FARP1: variants seen among roughly 807,000 people sequenced by gnomAD.
FARP1 encodes the protein FERM, ARHGEF and pleckstrin domain-containing protein 1.
A neutral mutation model predicts 128.8 loss-of-function variants in FARP1; 52 were observed. The observed-to-expected ratio is 0.40, with a 90% confidence interval of 0.32 to 0.51. The LOEUF (loss-of-function observed/expected upper bound fraction) is 0.51, where lower values mean the gene tolerates loss of function less well. Ranked by LOEUF, FARP1 falls within the 20% of genes least tolerant of loss-of-function variation. The pLI, the probability that FARP1 is intolerant of heterozygous loss-of-function variation, is 0.45. For synonymous variants in FARP1, 580 were observed against 551.8 expected (o/e 1.05, Z -0.72); for missense variants, 1,333 against 1,367.9 (o/e 0.97, Z 0.40).
At chr13:98,412,158 A>C in intron 16 of FARP1, 124 bp downstream of exon 16, 2 of 871,364 alleles carry the variant, frequency 2.3e-6, no homozygotes, top group Non-Finnish European at 3.6e-6. Flanking sequence ...GCTTACAACA[A>C]GTCAGCCTTC....
intron 2 of FARP1, among the ~76,000 whole-genome samples, chr13:98,297,974 T>A (rs1490174420): frequency 6.6e-6 from 1 of 152,184 alleles, no homozygotes; most frequent in Non-Finnish European, 1.5e-5. Flanking sequence ...ATCCTGTGCG[T>A]TTGCATTTTG....
rs185575791 is a variant in FARP1, at chr13:98,260,551, G to T, written c.171+47138G>T. Among the ~76,000 whole-genome samples, 23 of 152,266 alleles carry T rather than the reference G, an allele frequency of 1.5e-4. No homozygotes were observed. In the East Asian group the frequency reaches 4.2e-3, roughly 28 times the overall value. ...GGAACTCAATCCAGCTCAACTCTGG[G>T]CCTGTGAAAGCAAAACAATGGGGAC... On this transcript the variant is annotated intron_variant, in intron 2 of 26. Transcript: ENST00000319562.
At chr13:98,335,339 G>A (rs538935384) in intron 2 of FARP1, among the ~76,000 whole-genome samples, 25 of 152,336 alleles carry the variant, frequency 1.6e-4, no homozygotes, top group African/African-American at 4.6e-4. Context: ...AGGCAAGGAG[G>A]AGCAAGTCAT....
At chr13:98,312,601 A>G (rs565155798) in intron 2 of FARP1, among the ~76,000 whole-genome samples, 1 of 152,266 alleles carries the variant, frequency 6.6e-6, no homozygotes, top group African/African-American at 2.4e-5. Context: ...CCCACCGGAA[A>G]AGAGGTCAGT....
chr13:98,313,728 G>C (rs1198920521), intron 2 of FARP1, among the ~76,000 whole-genome samples: 1 of 152,084 alleles, frequency 6.6e-6, no homozygotes, highest in Non-Finnish European at 1.5e-5. Flanking sequence ...TGAGTCTATC[G>C]TCATTCCTTT....
At chr13:98,263,388 A>G (rs1883967286) in intron 2 of FARP1, among the ~76,000 whole-genome samples, 1 of 152,230 alleles carries the variant, frequency 6.6e-6, no homozygotes, top group Admixed American at 6.5e-5. Flanking sequence ...TGGAATGGGA[A>G]TAATTGTATT....
rs9584809 is a variant in FARP1, at chr13:98,343,288, G to A, written c.172-474G>A. On this transcript the variant is annotated intron_variant, in intron 2 of 26. Transcript: ENST00000319562. ...TTCTGTATGATGCTGTAATGCAGAC[G>A]GGTCACAACACATTTGTCATAGAAC... is the stretch of plus-strand genomic sequence containing the variant. Among the ~76,000 whole-genome samples the A allele has an allele frequency of 6.3e-3, 963 of 152,220 alleles. 15 individuals are homozygous for A. The highest frequency in any genetic ancestry group is 0.021 in the African/African-American group (862 of 41,526).
In FARP1 at chr13:98,156,384, G is replaced by C. The variant is rs533813620; in HGVS notation, c.-24+12892G>C. Among the ~76,000 whole-genome samples the C allele has an allele frequency of 3.2e-4, 48 of 152,178 alleles. 1 individual carries two copies. The highest frequency in any genetic ancestry group is 5.3e-4 in the Non-Finnish European group (36 of 68,018). On this transcript the variant is annotated intron_variant, in intron 1 of 26. Coordinates refer to ENST00000319562, the MANE Select transcript of FARP1 (RefSeq NM_005766.4). Reference sequence around the variant, plus strand: ...TATAATAACGTTCTTTTTAGCAAAAGTCTTAGTCACACAGCTTCTTTCACT... The same window carrying C: ...TATAATAACGTTCTTTTTAGCAAAACTCTTAGTCACACAGCTTCTTTCACT...
At chr13:98,303,003 C>T (rs1391085490) in intron 2 of FARP1, among the ~76,000 whole-genome samples, 1 of 152,008 alleles carries the variant, frequency 6.6e-6, no homozygotes, top group Non-Finnish European at 1.5e-5. Flanking sequence ...ATGAATTTTG[C>T]GGGCCCACTC....
intron 2 of FARP1, among the ~76,000 whole-genome samples, chr13:98,228,205 A>T (rs1363393626): frequency 6.6e-6 from 1 of 152,136 alleles, no homozygotes; most frequent in Non-Finnish European, 1.5e-5. Flanking sequence ...CTAAAAATAC[A>T]AAGAATTAGC....
At chr13:98,288,939 G>A (rs1195733816) in intron 2 of FARP1, among the ~76,000 whole-genome samples, 2 of 149,004 alleles carry the variant, frequency 1.3e-5, no homozygotes, top group Non-Finnish European at 3.0e-5. Context: ...TTCTATTTCT[G>A]GGTATTGTAG....
At chr13:98,335,538 A>G (rs1887703557) in intron 2 of FARP1, among the ~76,000 whole-genome samples, 1 of 152,192 alleles carries the variant, frequency 6.6e-6, no homozygotes, top group African/African-American at 2.4e-5. Context: ...ATGAGATTGA[A>G]TCTACAGTTC....
intron 1 of FARP1, among the ~76,000 whole-genome samples, chr13:98,211,783 T>G (rs1367894712): frequency 6.6e-6 from 1 of 152,256 alleles, no homozygotes; most frequent in Admixed American, 6.5e-5. Context: ...TCTCGTTCCC[T>G]TATGTCCTTC....
At chr13:98,200,952 T>C (rs1423188563) in intron 1 of FARP1, among the ~76,000 whole-genome samples, 3 of 152,198 alleles carry the variant, frequency 2.0e-5, no homozygotes, top group African/African-American at 7.2e-5. Flanking sequence ...GAGGTACATG[T>C]GATATTTTGA....
At chr13:98,414,764 G>A (rs1372508089) in intron 16 of FARP1, among the ~76,000 whole-genome samples, 2 of 152,062 alleles carry the variant, frequency 1.3e-5, no homozygotes, top group African/African-American at 4.8e-5. Flanking sequence ...TTCAAGGTTC[G>A]GCACTCCTGC....
intron 20 of FARP1, 26 bp downstream of exon 20, chr13:98,438,898 C>CA: frequency 8.1e-6 from 13 of 1,609,514 alleles, no homozygotes; most frequent in Non-Finnish European, 1.1e-5. Context: ...GGCTTGTCCT[C>CA]ACAAGGATTG....
At chr13:98,297,792 A>G (rs754313344) in intron 2 of FARP1, among the ~76,000 whole-genome samples, 1 of 152,186 alleles carries the variant, frequency 6.6e-6, no homozygotes, top group Non-Finnish European at 1.5e-5. Flanking sequence ...ACCCCCACCA[A>G]TAGGAATGGA....
intron 2 of FARP1, chr13:98,245,078 C>T (rs550286789): frequency 4.9e-6 from 5 of 1,019,642 alleles, no homozygotes; most frequent in Non-Finnish European, 5.9e-6. Context: ...AAACCATCTT[C>T]CTTTCCTGAG....
In FARP1 at chr13:98,368,133, T is replaced by G. The variant is rs1189075900; in HGVS notation, c.336T>G (p.Val112=). The G allele has an allele frequency of 6.2e-7, 1 of 1,613,798 alleles. No individual in the cohort carries two copies. The highest frequency in any genetic ancestry group is 1.3e-5 in the African/African-American group (1 of 74,932). Reference sequence around the variant, plus strand: ...CTTCTTTAGGGCCAAAGCACGTTGTTGTTAAGTTTGTGGTGAAATTCTTTC... The same window carrying G: ...CTTCTTTAGGGCCAAAGCACGTTGTGGTTAAGTTTGTGGTGAAATTCTTTC... ...VKQIRRPKHV[V]VKFVVKFFPP... The change falls in exon 5 of 27, where the codon GTT becomes GTG. Residue 112 remains valine (V), a synonymous_variant. Transcript: ENST00000319562.
Sources: gnomAD v4.1 joint callset for allele counts (sites outside exome capture counted in the v4.1 genomes callset) on GRCh38, gnomAD v4.1.1 for gene constraint, MANE v1.5 for transcripts, NCBI Gene and HGNC (gene_info 2026-07-23, HGNC 2026-07-21) for gene names.